The following EPC2 variants were observed in gnomAD, a reference collection of about 807,000 sequenced individuals.
EPC2 encodes enhancer of polycomb 2.
Under a neutral mutation model 92.1 loss-of-function variants are expected in EPC2, and 14 were observed. That is an observed-to-expected ratio of 0.15 (90% CI 0.10 to 0.24). EPC2 has a LOEUF of 0.24. Ranked by LOEUF, EPC2 falls within the 10% of genes least tolerant of loss-of-function variation. EPC2 has a pLI of 1.00. For missense variants in EPC2, 755 were observed against 971.5 expected (o/e 0.78, Z 2.96); for synonymous variants, 340 against 334.7 (o/e 1.02, Z -0.17).
intron 3 of EPC2, among the ~76,000 whole-genome samples, chr2:148,752,888 C>T (rs1016013768): frequency 4.6e-5 from 7 of 152,032 alleles, no homozygotes; most frequent in Admixed American, 4.6e-4. Flanking sequence ...CTTATAATTT[C>T]AATGAGAAAA....
chr2:148,765,466 A>G (rs1480343296), intron 7 of EPC2, among the ~76,000 whole-genome samples: 3 of 152,326 alleles, frequency 2.0e-5, no homozygotes, highest in Non-Finnish European at 2.9e-5. Flanking sequence ...AAAATTATCA[A>G]TATTTTAAGA....
At chr2:148,732,103 T>TA (rs1425019749) in intron 2 of EPC2, among the ~76,000 whole-genome samples, 1 of 152,196 alleles carries the variant, frequency 6.6e-6, no homozygotes, top group Non-Finnish European at 1.5e-5. Context: ...CAGGCTCTCT[T>TA]ATGGTTTTTC....
chr2:148,694,746 A>G (rs1166925366), intron 2 of EPC2, among the ~76,000 whole-genome samples: 1 of 152,194 alleles, frequency 6.6e-6, no homozygotes, highest in Non-Finnish European at 1.5e-5. Flanking sequence ...TAGAACACGA[A>G]GGAACTTAAC....
chr2:148,750,551 C>CA (rs927454667), intron 3 of EPC2, among the ~76,000 whole-genome samples: 3 of 152,056 alleles, frequency 2.0e-5, no homozygotes, highest in Admixed American at 2.0e-4. Flanking sequence ...GCAGAATACT[C>CA]AAAATGTGCA....
At chr2:148,742,887 T>A (rs1188632333) in intron 2 of EPC2, among the ~76,000 whole-genome samples, 1 of 152,176 alleles carries the variant, frequency 6.6e-6, no homozygotes, top group African/African-American at 2.4e-5. Context: ...TTTTCTAATT[T>A]GCAAGAAATC....
Position 148,667,513 on chromosome 2 carries a change from G to GT in EPC2, c.153+22352dup, listed in dbSNP as rs201406117. 8.4e-3 allele frequency among the ~76,000 whole-genome samples: 1,274 copies of GT among 151,406 alleles called. 15 individuals are homozygous for GT. Among genetic ancestry groups the GT allele is most frequent in the African/African-American group, 0.027 (1,120 of 41,322 alleles). On this transcript the variant is annotated intron_variant, in intron 1 of 13. Coordinates refer to ENST00000258484, the MANE Select transcript of EPC2 (RefSeq NM_015630.4). Reference sequence around the variant, plus strand: ...ATTACTAAACTCACTTATTCTAGTAGTTTTTTTTTGTAGATTCCATCAGAT... The same window carrying GT: ...ATTACTAAACTCACTTATTCTAGTAGTTTTTTTTTTGTAGATTCCATCAGAT...
At chr2:148,755,401 A>G (rs986566726) in intron 4 of EPC2, among the ~76,000 whole-genome samples, 11 of 152,098 alleles carry the variant, frequency 7.2e-5, no homozygotes, top group South Asian at 4.2e-4. Flanking sequence ...TGAACTATCA[A>G]TCGCTTTTTG....
chr2:148,714,740 C>A (rs1347056522), intron 2 of EPC2, among the ~76,000 whole-genome samples: 1 of 152,108 alleles, frequency 6.6e-6, no homozygotes, highest in African/African-American at 2.4e-5. Context: ...TGTCCTTTGA[C>A]CACTTTTAAT....
intron 1 of EPC2, among the ~76,000 whole-genome samples, chr2:148,668,485 A>T (rs1394030151): frequency 1.3e-5 from 2 of 152,182 alleles, no homozygotes; most frequent in African/African-American, 2.4e-5. Flanking sequence ...CTCCCTCGTC[A>T]GTATTTTGGA....
intron 1 of EPC2, among the ~76,000 whole-genome samples, chr2:148,655,051 T>C (rs1680762687): frequency 6.6e-6 from 1 of 152,190 alleles, no homozygotes; most frequent in Non-Finnish European, 1.5e-5. Context: ...TTCAAAAGTA[T>C]GGTATTGATG....
At chr2:148,718,220 T>TG (rs756600943) in intron 2 of EPC2, among the ~76,000 whole-genome samples, 7 of 152,212 alleles carry the variant, frequency 4.6e-5, no homozygotes, top group Non-Finnish European at 1.0e-4. Context: ...GTCTTTTAAT[T>TG]GGGGCAGTTA....
At chr2:148,763,264 T>G (rs924993333) in intron 6 of EPC2, among the ~76,000 whole-genome samples, 2 of 152,152 alleles carry the variant, frequency 1.3e-5, no homozygotes, top group African/African-American at 2.4e-5. Flanking sequence ...TATCAATTGT[T>G]ATCTACCTTG....
intron 2 of EPC2, among the ~76,000 whole-genome samples, chr2:148,717,701 A>G (rs1410916989): frequency 6.6e-6 from 1 of 152,092 alleles, no homozygotes; most frequent in Non-Finnish European, 1.5e-5. Flanking sequence ...GCCGTGCAGT[A>G]ATGAGAAGAA....
chr2:148,651,201 ATATC>A (rs999513201), intron 1 of EPC2, among the ~76,000 whole-genome samples: 8 of 152,180 alleles, frequency 5.3e-5, no homozygotes, highest in African/African-American at 1.9e-4. Flanking sequence ...GAGCATAAGA[ATATC>A]TAAAGGAAGT....
At chr2:148,771,902 G>A (rs1423640549) in intron 10 of EPC2, among the ~76,000 whole-genome samples, 2 of 151,808 alleles carry the variant, frequency 1.3e-5, no homozygotes, top group Admixed American at 6.6e-5. Flanking sequence ...GGGTTCAAGC[G>A]ATTCTCCTGT....
chr2:148,649,791 A>G (rs896625517), intron 1 of EPC2, among the ~76,000 whole-genome samples: 1 of 152,212 alleles, frequency 6.6e-6, no homozygotes, highest in African/African-American at 2.4e-5. Flanking sequence ...TATCTTCTGA[A>G]CTGTGATTAA....
At chr2:148,672,894 C>T (rs995575707) in intron 1 of EPC2, among the ~76,000 whole-genome samples, 4 of 152,122 alleles carry the variant, frequency 2.6e-5, no homozygotes, top group Admixed American at 1.3e-4. Flanking sequence ...GCGATGAACT[C>T]CCTCAGTTTT....
intron 1 of EPC2, among the ~76,000 whole-genome samples, chr2:148,663,231 T>TATTATC (rs1553538206): frequency 1.4e-5 from 2 of 147,316 alleles, no homozygotes; most frequent in Admixed American, 6.8e-5. Flanking sequence ...TTATTATTAT[T>TATTATC]ATTATTATTT....
chr2:148,775,286 C>T (rs1285368920), intron 10 of EPC2, among the ~76,000 whole-genome samples: 1 of 152,010 alleles, frequency 6.6e-6, no homozygotes, highest in Non-Finnish European at 1.5e-5. Flanking sequence ...ACAATCCTTA[C>T]CTTCAAGGAA....
Sources: allele counts gnomAD v4.1 joint callset (sites outside exome capture counted in the v4.1 genomes callset), GRCh38; gene constraint gnomAD v4.1.1; transcripts MANE v1.5; gene names NCBI Gene and HGNC (gene_info 2026-07-23, HGNC 2026-07-21).